Variants in ERP44 observed in about 807,000 individuals in gnomAD.
The protein encoded by ERP44 is endoplasmic reticulum protein 44, also known as endoplasmic reticulum resident protein 44.
ERP44 carries 25 observed loss-of-function variants against 53.4 expected under a neutral mutation model. The ratio of observed to expected loss-of-function variants is 0.47; its 90% CI spans 0.34 to 0.65. The LOEUF (loss-of-function observed/expected upper bound fraction) is 0.65. Among genes scored for constraint, ERP44 ranks in the 30% least tolerant of loss-of-function variants. The pLI, the probability that ERP44 is intolerant of heterozygous loss-of-function variation, is 0.01. For missense variants in ERP44, 338 were observed against 493.2 expected (o/e 0.69, Z 2.98); for synonymous variants, 145 against 161.2 (o/e 0.90, Z 0.76).
At chr9:100,043,716 C>G (rs1412298662) in intron 4 of ERP44, among the ~76,000 whole-genome samples, 1 of 151,930 alleles carries the variant, frequency 6.6e-6, no homozygotes. Context: ...GAACGCGCCA[C>G]TGTACTCCAG....
chr9:100,025,498 C>A (rs1026719277), intron 4 of ERP44, among the ~76,000 whole-genome samples: 3 of 152,086 alleles, frequency 2.0e-5, no homozygotes, highest in Non-Finnish European at 4.4e-5. Flanking sequence ...CATCACAACA[C>A]TGACAGAATG....
chr9:99,993,208 A>T (rs1176637881), intron 10 of ERP44, among the ~76,000 whole-genome samples: 1 of 152,242 alleles, frequency 6.6e-6, no homozygotes, highest in Non-Finnish European at 1.5e-5. Flanking sequence ...TGCCAATTCA[A>T]TCCTAAGCAA....
chr9:100,055,478 T>C (rs533930854), intron 3 of ERP44, among the ~76,000 whole-genome samples: 2 of 152,224 alleles, frequency 1.3e-5, no homozygotes, highest in Non-Finnish European at 2.9e-5. Context: ...CTTCAAGCAA[T>C]TCTCCTGCCT....
chr9:100,029,416 A>T (rs1273043518), intron 4 of ERP44, among the ~76,000 whole-genome samples: 1 of 152,242 alleles, frequency 6.6e-6, no homozygotes, highest in East Asian at 1.9e-4. Context: ...ATGTGAAAAA[A>T]AATTGTCAGT....
chr9:100,076,252 T>C (rs1826354419), intron 1 of ERP44, among the ~76,000 whole-genome samples: 1 of 152,208 alleles, frequency 6.6e-6, no homozygotes, highest in African/African-American at 2.4e-5. Context: ...CAAATGGAAG[T>C]GATACATACA....
At chr9:100,055,646 C>G (rs1386979117) in intron 3 of ERP44, among the ~76,000 whole-genome samples, 2 of 152,258 alleles carry the variant, frequency 1.3e-5, no homozygotes, top group African/African-American at 4.8e-5. Context: ...GCTGGGATTA[C>G]AGGCGTGAGC....
chr9:99,983,846 T>A (rs1480065637), intron 11 of ERP44, among the ~76,000 whole-genome samples: 2 of 152,248 alleles, frequency 1.3e-5, no homozygotes, highest in African/African-American at 4.8e-5. Context: ...AAATTAATTA[T>A]ATTACTATAA....
chr9:100,047,207 A>G (rs1825981389), intron 4 of ERP44, among the ~76,000 whole-genome samples: 1 of 152,204 alleles, frequency 6.6e-6, no homozygotes, highest in South Asian at 2.1e-4. Flanking sequence ...CTTAGATACA[A>G]CATCAAAACT....
chr9:100,021,925 G>A (rs1364750808), intron 5 of ERP44, 117 bp downstream of exon 5: 16 of 866,706 alleles, frequency 1.8e-5, no homozygotes, highest in East Asian at 7.5e-5. Flanking sequence ...TTAAGTATAC[G>A]TATGTCAAAT....
intron 1 of ERP44, among the ~76,000 whole-genome samples, chr9:100,083,764 A>G (rs1826452403): frequency 6.6e-6 from 1 of 152,200 alleles, no homozygotes; most frequent in Admixed American, 6.5e-5. Flanking sequence ...AAGCACTAAC[A>G]GGCTCCTAGC....
intron 4 of ERP44, among the ~76,000 whole-genome samples, chr9:100,023,615 T>G (rs1227206248): frequency 6.6e-6 from 1 of 151,876 alleles, no homozygotes; most frequent in Admixed American, 6.6e-5. Flanking sequence ...TTTTTAATTT[T>G]TAATTATTTT....
intron 1 of ERP44, among the ~76,000 whole-genome samples, chr9:100,066,019 T>C (rs1416340491): frequency 1.3e-5 from 2 of 152,174 alleles, no homozygotes; most frequent in Non-Finnish European, 2.9e-5. Flanking sequence ...ACCTAGGAGC[T>C]TGTGAGAAAT....
At chr9:99,998,760 T>G in intron 10 of ERP44, 1 of 780,012 alleles carries the variant, frequency 1.3e-6, no homozygotes, top group South Asian at 1.6e-5. Flanking sequence ...CCGCAAACGT[T>G]TCTTTTCTCT....
intron 1 of ERP44, among the ~76,000 whole-genome samples, chr9:100,093,240 A>G (rs565841844): frequency 5.3e-4 from 81 of 152,348 alleles, no homozygotes; most frequent in African/African-American, 1.9e-3. Flanking sequence ...GGGTTTTTAC[A>G]AATTTTAACC....
At chr9:100,060,796 T>A (rs1229991089) in intron 1 of ERP44, among the ~76,000 whole-genome samples, 1 of 152,206 alleles carries the variant, frequency 6.6e-6, no homozygotes, top group African/African-American at 2.4e-5. Flanking sequence ...AAAGAAAATA[T>A]AAAATTTTAA....
rs185457274 is a variant in ERP44 at position 100,068,849 on chromosome 9, G to A, written c.58-8677C>T. Among the ~76,000 whole-genome samples, 1,430 of 152,328 alleles carry A rather than the reference G, an allele frequency of 9.4e-3. 8 individuals are homozygous for A. Among genetic ancestry groups the A allele is most frequent in the Admixed American group, 0.021 (321 of 15,302 alleles). The stretch of plus-strand genomic sequence containing the variant: ...CAATGGCGTTTTTGTGGAATGGAAA[G>A]GGGGGAAAGGTGGGGAAAAGATTGA... On this transcript the variant is annotated intron_variant, in intron 1 of 11. Transcript: ENST00000262455.
intron 1 of ERP44, among the ~76,000 whole-genome samples, chr9:100,080,548 T>A (rs1826411321): frequency 6.6e-6 from 1 of 152,068 alleles, no homozygotes; most frequent in Non-Finnish European, 1.5e-5. Context: ...AGGGAGATTT[T>A]AATGATCTAG....
chr9:100,057,412 C>T (rs1160431148), intron 3 of ERP44, among the ~76,000 whole-genome samples: 4 of 152,138 alleles, frequency 2.6e-5, no homozygotes, highest in Non-Finnish European at 5.9e-5. Context: ...TGTATAAACA[C>T]AAAAGACAGA....
intron 10 of ERP44, among the ~76,000 whole-genome samples, chr9:99,994,814 T>C (rs1387291139): frequency 3.9e-5 from 6 of 152,222 alleles, no homozygotes; most frequent in African/African-American, 1.4e-4. Context: ...CAACTTTGTT[T>C]CTTTTTCAAA....
Sources: gnomAD v4.1 joint callset for allele counts (sites outside exome capture counted in the v4.1 genomes callset) on GRCh38, gnomAD v4.1.1 for gene constraint, MANE v1.5 for transcripts, NCBI Gene and HGNC (gene_info 2026-07-23, HGNC 2026-07-21) for gene names.